PLPPR1: variants seen among roughly 807,000 people sequenced by gnomAD.
The protein encoded by PLPPR1 is phospholipid phosphatase related 1.
Under a neutral mutation model 33.1 loss-of-function variants are expected in PLPPR1, and 10 were observed. The observed-to-expected ratio is 0.30, with a 90% confidence interval of 0.19 to 0.51. PLPPR1 has a LOEUF of 0.51. Ranked by LOEUF, PLPPR1 falls within the 20% of genes least tolerant of loss-of-function variation. The probability of loss-of-function intolerance (pLI) is 0.97; values close to 1 mark genes in which losing one functional copy is unlikely to be tolerated. For missense variants in PLPPR1, 304 were observed against 408.1 expected (o/e 0.74, Z 2.20); for synonymous variants, 151 against 151.0 (o/e 1.00, Z 0.00).
At chr9:101,256,277 T>C (rs1442946282) in intron 2 of PLPPR1, among the ~76,000 whole-genome samples, 1 of 152,196 alleles carries the variant, frequency 6.6e-6, no homozygotes, top group Non-Finnish European at 1.5e-5. Context: ...AAGAGTTTAA[T>C]TTTTAAAATA....
intron 2 of PLPPR1, among the ~76,000 whole-genome samples, chr9:101,212,149 C>A (rs1195810364): frequency 6.6e-6 from 1 of 151,256 alleles, no homozygotes; most frequent in East Asian, 2.0e-4. Context: ...GTGGTGTGAT[C>A]TCGGCTCACT....
chr9:101,043,408 T>C (rs1348189723), intron 1 of PLPPR1, among the ~76,000 whole-genome samples: 1 of 151,476 alleles, frequency 6.6e-6, no homozygotes, highest in Non-Finnish European at 1.5e-5. Flanking sequence ...TATACATATG[T>C]ATGTGTGTAT....
At chr9:101,164,750 A>C (rs1825829637) in intron 1 of PLPPR1, among the ~76,000 whole-genome samples, 1 of 152,150 alleles carries the variant, frequency 6.6e-6, no homozygotes, top group South Asian at 2.1e-4. Context: ...TTAAAGGGGA[A>C]AGATGAAGTA....
At chr9:101,131,930 G>T (rs1831318934) in intron 1 of PLPPR1, among the ~76,000 whole-genome samples, 1 of 152,178 alleles carries the variant, frequency 6.6e-6, no homozygotes, top group Non-Finnish European at 1.5e-5. Flanking sequence ...GATAGTGTCT[G>T]CCTCATAGCA....
chr9:101,280,256 A>T (rs1323975144), intron 3 of PLPPR1, among the ~76,000 whole-genome samples: 1 of 152,148 alleles, frequency 6.6e-6, no homozygotes, highest in East Asian at 1.9e-4. Context: ...CCAAAACTTG[A>T]ATAGATCAAT....
chr9:101,256,480 A>G (rs1471278242), intron 2 of PLPPR1, among the ~76,000 whole-genome samples: 2 of 152,152 alleles, frequency 1.3e-5, no homozygotes, highest in African/African-American at 2.4e-5. Context: ...TCGAGGGTTC[A>G]GGGGGTAAGC....
intron 1 of PLPPR1, among the ~76,000 whole-genome samples, chr9:101,181,322 C>T (rs1015849190): frequency 3.3e-5 from 5 of 150,058 alleles, no homozygotes; most frequent in African/African-American, 4.9e-5. Flanking sequence ...TAAGTGTTGA[C>T]GATGGTGTGG....
chr9:101,166,972 G>A (rs1825866754), intron 1 of PLPPR1, among the ~76,000 whole-genome samples: 2 of 148,792 alleles, frequency 1.3e-5, no homozygotes, highest in African/African-American at 5.0e-5. Flanking sequence ...GTCTAACAGA[G>A]CTAATTAGTT....
At chr9:101,175,475 G>GA (rs1281956326) in intron 1 of PLPPR1, among the ~76,000 whole-genome samples, 4 of 152,126 alleles carry the variant, frequency 2.6e-5, no homozygotes, top group Non-Finnish European at 4.4e-5. Flanking sequence ...GTGCCTAAAA[G>GA]ATAACACATC....
At chr9:101,181,608 A>ATG (rs374750617) in intron 1 of PLPPR1, among the ~76,000 whole-genome samples, 24,465 of 129,482 alleles carry the variant, frequency 0.19, 2,021 homozygotes, top group Admixed American at 0.22. Context: ...GGGTATATGT[A>ATG]TGTGTGTGTG....
intron 2 of PLPPR1, among the ~76,000 whole-genome samples, chr9:101,210,720 T>C (rs1373952854): frequency 1.3e-5 from 2 of 152,232 alleles, no homozygotes; most frequent in Non-Finnish European, 2.9e-5. Flanking sequence ...TTAATTGTAA[T>C]TGAACTTAAT....
rs559707957 is a variant in PLPPR1, at chr9:101,270,274, G to A, written c.252+206G>A. On this transcript the variant is annotated intron_variant, in intron 3 of 7. Coordinates refer to ENST00000374874, the MANE Select transcript of PLPPR1 (RefSeq NM_207299.2). ...CTTGTATGGGTGGCTTTTGTTTTTCGGTATCTGAATTTTAAAAAGATGTTT... is the reference window on the plus strand; with the variant it reads ...CTTGTATGGGTGGCTTTTGTTTTTCAGTATCTGAATTTTAAAAAGATGTTT... Among the ~76,000 whole-genome samples, 51 of 151,808 alleles carry A rather than the reference G, an allele frequency of 3.4e-4. No individual in the cohort carries two copies. In the Middle Eastern group the frequency reaches 0.01, roughly 30 times the overall value.
chr9:101,123,087 G>A (rs1430034084), intron 1 of PLPPR1, among the ~76,000 whole-genome samples: 1 of 152,078 alleles, frequency 6.6e-6, no homozygotes, highest in Non-Finnish European at 1.5e-5. Flanking sequence ...GTTATAGATG[G>A]TTCTCCCTAT....
At chr9:101,231,753 T>G (rs1290613730) in intron 2 of PLPPR1, among the ~76,000 whole-genome samples, 1 of 152,102 alleles carries the variant, frequency 6.6e-6, no homozygotes, top group Non-Finnish European at 1.5e-5. Flanking sequence ...CTTTATTTTA[T>G]TTTAGTGAAC....
intron 1 of PLPPR1, among the ~76,000 whole-genome samples, chr9:101,155,924 A>G (rs1002669596): frequency 5.9e-5 from 9 of 152,144 alleles, no homozygotes; most frequent in African/African-American, 2.2e-4. Context: ...TAATACATAG[A>G]TTTTGGGGAC....
At chr9:101,175,452 G>A (rs1826005138) in intron 1 of PLPPR1, among the ~76,000 whole-genome samples, 2 of 152,016 alleles carry the variant, frequency 1.3e-5, no homozygotes, top group South Asian at 4.1e-4. Context: ...GTGGGTCCTA[G>A]GCACTGTCTA....
intron 2 of PLPPR1, among the ~76,000 whole-genome samples, chr9:101,268,735 C>T (rs1479595939): frequency 6.6e-6 from 1 of 152,206 alleles, no homozygotes; most frequent in Non-Finnish European, 1.5e-5. Context: ...CTTCAAAATA[C>T]AAACAACTTT....
Position 101,058,343 on chromosome 9 carries a change from C to T in PLPPR1, c.-46+29241C>T, listed in dbSNP as rs997089580. On this transcript the variant is annotated intron_variant, in intron 1 of 7. Transcript: ENST00000374874. ...AAGATACTTCATGGGGCCCACCAAACATATCTGAGTGAGACTCTGAGGAGG... is the reference window on the plus strand; with the variant it reads ...AAGATACTTCATGGGGCCCACCAAATATATCTGAGTGAGACTCTGAGGAGG... Among the ~76,000 whole-genome samples, 5 of 143,978 alleles carry T rather than the reference C, an allele frequency of 3.5e-5. No individual in the cohort carries two copies. In the East Asian group the frequency reaches 1.1e-3, roughly 31 times the overall value. 94.5% of individuals were successfully genotyped at this position (143,978 alleles called of 152,430 possible). A position where few individuals can be genotyped will look rare whatever the true frequency, so the allele number is the denominator to read the frequency against.
chr9:101,181,343 A>C (rs2118709387), intron 1 of PLPPR1, among the ~76,000 whole-genome samples: 1 of 151,228 alleles, frequency 6.6e-6, no homozygotes, highest in East Asian at 1.9e-4. Flanking sequence ...AGAAAAAAAA[A>C]TGCTTGTGCA....
Sources: gnomAD v4.1 joint callset for allele counts (sites outside exome capture counted in the v4.1 genomes callset) on GRCh38, gnomAD v4.1.1 for gene constraint, MANE v1.5 for transcripts, NCBI Gene and HGNC (gene_info 2026-07-23, HGNC 2026-07-21) for gene names.